The following KLRF1 variants were observed in gnomAD, a reference collection of about 807,000 sequenced individuals.
KLRF1 encodes the protein killer cell lectin-like receptor subfamily F member 1.
KLRF1 carries 27 observed loss-of-function variants against 30.7 expected under a neutral mutation model. That is an observed-to-expected ratio of 0.88 (90% CI 0.65 to 1.21). KLRF1 has a LOEUF of 1.21. Among genes scored for constraint, KLRF1 ranks in the 50% most tolerant of loss-of-function variants. KLRF1 has a pLI of 0.00. For synonymous variants in KLRF1, 92 were observed against 89.3 expected (o/e 1.03, Z -0.17); for missense variants, 246 against 259.3 (o/e 0.95, Z 0.35).
chr12:9,806,919 A>G, the KLRF1 span, among the ~76,000 whole-genome samples: 1 of 152,036 alleles, frequency 6.6e-6, no homozygotes, highest in Non-Finnish European at 1.5e-5. Context: ...CTGACCTCAA[A>G]TGACCCTTCT....
the KLRF1 span, among the ~76,000 whole-genome samples, chr12:9,811,153 A>G: frequency 6.6e-6 from 1 of 151,584 alleles, no homozygotes; most frequent in African/African-American, 2.4e-5. Context: ...CAATGAAAAG[A>G]AGCTGGAAGT....
the KLRF1 span, among the ~76,000 whole-genome samples, chr12:9,820,621 T>C: frequency 6.6e-6 from 1 of 152,144 alleles, no homozygotes; most frequent in Non-Finnish European, 1.5e-5. Context: ...TCCACACACA[T>C]GCTGGACCTC....
rs1033212061 is a variant in KLRF1, at chr12:9,833,974, G to A, written c.334+522G>A. Reference sequence around the variant, plus strand: ...ACCTGGGTGCAGGCGGGCTGAGTCCGAAAAGAAGAGTCAGCGAAGGGGAGA... The same window carrying A: ...ACCTGGGTGCAGGCGGGCTGAGTCCAAAAAGAAGAGTCAGCGAAGGGGAGA... On this transcript the variant is annotated intron_variant, in intron 3 of 5. Coordinates refer to ENST00000617889, the MANE Select transcript of KLRF1 (RefSeq NM_016523.3). Among the ~76,000 whole-genome samples, 5 of 139,894 alleles carry A rather than the reference G, an allele frequency of 3.6e-5. No individual in the cohort carries two copies. In the East Asian group the frequency reaches 6.2e-4, roughly 17 times the overall value. The allele number at this position is 139,894 out of a possible 152,430, so 91.8% of individuals were successfully genotyped here.
chr12:9,841,030 A>G (rs1867690285), intron 3 of KLRF1, among the ~76,000 whole-genome samples: 1 of 152,136 alleles, frequency 6.6e-6, no homozygotes, highest in Non-Finnish European at 1.5e-5. Context: ...TTCGCTATAG[A>G]AAAACATGGA....
At chr12:9,809,906 C>T in the KLRF1 span, among the ~76,000 whole-genome samples, 1 of 151,472 alleles carries the variant, frequency 6.6e-6, no homozygotes, top group Non-Finnish European at 1.5e-5. Flanking sequence ...ACAAAATCAC[C>T]CCATGAATAA....
Position 9,841,921 on chromosome 12 carries a change from T to C in KLRF1, c.444T>C (p.His148=). The change falls in exon 4 of 6, where the codon CAT becomes CAC. Residue 148 remains histidine, a synonymous_variant. Coordinates refer to ENST00000617889, the MANE Select transcript of KLRF1 (RefSeq NM_016523.3). ...TGTATTGTTTGGAAAGAAAATCTCA[T>C]CTACTAATCATACATGACCAACTTG... ...SYVYCLERKS[H]LLIIHDQLEM... 1.9e-6 allele frequency: 3 copies of C among 1,612,388 alleles called. No individual in the cohort carries two copies. The South Asian group carries it at 3.3e-5, about 18-fold the overall frequency.
chr12:9,809,109 A>G, the KLRF1 span, among the ~76,000 whole-genome samples: 1 of 152,168 alleles, frequency 6.6e-6, no homozygotes, highest in Non-Finnish European at 1.5e-5. Flanking sequence ...GAGAAAATTG[A>G]GAGTTTAGCG....
chr12:9,835,137 A>G (rs764455038), intron 3 of KLRF1, among the ~76,000 whole-genome samples: 11 of 152,264 alleles, frequency 7.2e-5, no homozygotes, highest in African/African-American at 2.6e-4. Flanking sequence ...TGAGGGGAAC[A>G]GGGAGCTCTT....
upstream of KLRF1, among the ~76,000 whole-genome samples, chr12:9,823,185 T>C (rs1054037681): frequency 1.4e-5 from 2 of 147,472 alleles, no homozygotes; most frequent in African/African-American, 2.5e-5. Context: ...AATCTAAAAT[T>C]GACCGCACAA....
chr12:9,833,721 A>C (rs1867501227), intron 3 of KLRF1, among the ~76,000 whole-genome samples: 1 of 152,160 alleles, frequency 6.6e-6, no homozygotes, highest in Non-Finnish European at 1.5e-5. Context: ...ATTAAAAAGC[A>C]GTATGTAAAT....
At chr12:9,833,475 A>T (rs758593216) in intron 3 of KLRF1, 23 bp downstream of exon 3, 4 of 1,564,096 alleles carry the variant, frequency 2.6e-6, no homozygotes, top group Non-Finnish European at 3.4e-6. Context: ...GCTTTGGCTT[A>T]TCCTAGTTTT....
At chr12:9,813,960 G>T in the KLRF1 span, among the ~76,000 whole-genome samples, 1 of 152,070 alleles carries the variant, frequency 6.6e-6, no homozygotes, top group East Asian at 1.9e-4. Context: ...GCTATTTGGA[G>T]CCCAGCCCCA....
At chr12:9,806,545 T>G in the KLRF1 span, among the ~76,000 whole-genome samples, 5 of 152,138 alleles carry the variant, frequency 3.3e-5, no homozygotes, top group African/African-American at 1.2e-4. Context: ...TATAGTTGGA[T>G]TGTGTTCATT....
chr12:9,833,912 T>TTTTTTTTTTTTTC, intron 3 of KLRF1, among the ~76,000 whole-genome samples: 1 of 147,614 alleles, frequency 6.8e-6, no homozygotes, highest in African/African-American at 2.5e-5. Context: ...TTTTTTTTTT[T>TTTTTTTTTTTTTC]TTTTTTTTTT....
At chr12:9,840,973 C>A (rs1867688552) in intron 3 of KLRF1, among the ~76,000 whole-genome samples, 1 of 152,124 alleles carries the variant, frequency 6.6e-6, no homozygotes, top group Non-Finnish European at 1.5e-5. Context: ...GAACGTAAAT[C>A]ATTCTATTAT....
chr12:9,808,381 A>AT, the KLRF1 span, among the ~76,000 whole-genome samples: 49 of 151,294 alleles, frequency 3.2e-4, no homozygotes, highest in South Asian at 1.0e-3. Context: ...TTGCTTTTTG[A>AT]TTTTTTTTTC....
the KLRF1 span, among the ~76,000 whole-genome samples, chr12:9,803,144 G>A: frequency 2.0e-5 from 3 of 151,872 alleles, no homozygotes; most frequent in Non-Finnish European, 4.4e-5. Context: ...CAGAGACCTT[G>A]GAAATAACAT....
At chr12:9,804,697 A>C in the KLRF1 span, among the ~76,000 whole-genome samples, 2 of 152,040 alleles carry the variant, frequency 1.3e-5, no homozygotes, top group South Asian at 2.1e-4. Context: ...CTGAGAGTAG[A>C]TATCCTTGTC....
the KLRF1 span, among the ~76,000 whole-genome samples, chr12:9,803,886 T>C: frequency 6.6e-6 from 1 of 152,024 alleles, no homozygotes; most frequent in South Asian, 2.1e-4. Context: ...TCCAAATTTG[T>C]TCTTCTCTTT....
Sources: allele counts gnomAD v4.1 joint callset (sites outside exome capture counted in the v4.1 genomes callset), GRCh38; gene constraint gnomAD v4.1.1; transcripts MANE v1.5; gene names NCBI Gene and HGNC (gene_info 2026-07-23, HGNC 2026-07-21).